Variants in KHDRBS2 observed in about 807,000 individuals in gnomAD.
KHDRBS2 encodes the protein KH domain-containing, RNA-binding, signal transduction-associated protein 2.
KHDRBS2 carries 26 observed loss-of-function variants against 44.3 expected under a neutral mutation model. That is an observed-to-expected ratio of 0.59 (90% confidence interval 0.43 to 0.81). KHDRBS2 has a LOEUF of 0.81. KHDRBS2 is among the 40% of genes least tolerant of loss of function. The pLI, the probability that KHDRBS2 is intolerant of heterozygous loss-of-function variation, is 0.00. For missense variants in KHDRBS2, 476 were observed against 433.1 expected (o/e 1.10, Z -0.88); for synonymous variants, 194 against 151.1 (o/e 1.28, Z -2.08).
At chr6:61,805,586 T>C (rs150000538) in intron 6 of KHDRBS2, among the ~76,000 whole-genome samples, 2,812 of 152,230 alleles carry the variant, frequency 0.018, 57 homozygotes, top group South Asian at 0.041. Context: ...GTAATTTATG[T>C]AGAAAGAGAC....
At chr6:61,834,606 T>C (rs1465180421) in intron 6 of KHDRBS2, among the ~76,000 whole-genome samples, 2 of 152,076 alleles carry the variant, frequency 1.3e-5, no homozygotes, top group Non-Finnish European at 2.9e-5. Flanking sequence ...GATGTCACTA[T>C]GCCAAAGTCC....
intron 4 of KHDRBS2, among the ~76,000 whole-genome samples, chr6:61,935,919 TTAAAATGGAA>T (rs1198036917): frequency 6.6e-6 from 1 of 152,148 alleles, no homozygotes; most frequent in Non-Finnish European, 1.5e-5. Context: ...AATAATAATG[TTAAAATGGAA>T]ATTTCTAGTT....
At chr6:61,980,863 A>T (rs1192425) in intron 3 of KHDRBS2, among the ~76,000 whole-genome samples, 112,216 of 152,130 alleles carry the variant, frequency 0.74, 41,636 homozygotes, top group African/African-American at 0.83. Flanking sequence ...GCTTATAGGG[A>T]CTGCACACAA....
chr6:61,553,666 C>T, the KHDRBS2 span, among the ~76,000 whole-genome samples: 1 of 152,110 alleles, frequency 6.6e-6, no homozygotes, highest in East Asian at 1.9e-4. Context: ...CCTCTTGTCA[C>T]CTTAGCTGTG....
intron 7 of KHDRBS2, among the ~76,000 whole-genome samples, chr6:61,715,117 G>A (rs1304111484): frequency 1.3e-5 from 2 of 151,790 alleles, no homozygotes; most frequent in Non-Finnish European, 2.9e-5. Context: ...CTACCAATGT[G>A]CAAGTGCAAA....
chr6:61,618,506 G>A, the KHDRBS2 span, among the ~76,000 whole-genome samples: 1 of 152,054 alleles, frequency 6.6e-6, no homozygotes, highest in East Asian at 1.9e-4. Flanking sequence ...ACAAGTGTAG[G>A]TTTGTTATCT....
rs974491455 is a variant in KHDRBS2 at position 62,186,754 on chromosome 6, G to T, written c.92-9442C>A. Among the ~76,000 whole-genome samples the T allele has an allele frequency of 5.3e-5, 8 of 151,988 alleles. No individual in the cohort carries two copies. In the South Asian group the frequency reaches 8.3e-4, roughly 16 times the overall value. On this transcript the variant is annotated intron_variant, in intron 1 of 8. Coordinates refer to ENST00000281156, the MANE Select transcript of KHDRBS2 (RefSeq NM_152688.4). ...TACCTCACAAAAGGCAAGAGTTAAA[G>T]ATTTATTTATTTTTAACTGTGTTGA...
chr6:62,238,502 C>T (rs1834061945), intron 1 of KHDRBS2, among the ~76,000 whole-genome samples: 1 of 151,950 alleles, frequency 6.6e-6, no homozygotes, highest in South Asian at 2.1e-4. Flanking sequence ...TGAGAAAATA[C>T]ATAACATCTA....
chr6:61,547,560 G>A, the KHDRBS2 span, among the ~76,000 whole-genome samples: 1 of 152,058 alleles, frequency 6.6e-6, no homozygotes, highest in African/African-American at 2.4e-5. Flanking sequence ...TTACTGTGTG[G>A]CTGACCAAGT....
chr6:61,908,235 A>G (rs1805383605), intron 4 of KHDRBS2, among the ~76,000 whole-genome samples: 1 of 152,144 alleles, frequency 6.6e-6, no homozygotes, highest in African/African-American at 2.4e-5. Flanking sequence ...TATTTACCTA[A>G]GTATGTGAAT....
intron 3 of KHDRBS2, among the ~76,000 whole-genome samples, chr6:62,006,657 G>A (rs190203035): frequency 1.1e-4 from 16 of 151,902 alleles, no homozygotes; most frequent in Admixed American, 7.9e-4. Flanking sequence ...ATACTGATCC[G>A]CTTTATCCTA....
intron 8 of KHDRBS2, among the ~76,000 whole-genome samples, chr6:61,691,585 AT>A (rs1302476589): frequency 6.6e-6 from 1 of 152,058 alleles, no homozygotes; most frequent in Non-Finnish European, 1.5e-5. Context: ...TGCATATATT[AT>A]TTTTAAATGA....
chr6:61,956,937 A>ATCATCG, intron 4 of KHDRBS2, among the ~76,000 whole-genome samples: 2 of 151,844 alleles, frequency 1.3e-5, no homozygotes, highest in East Asian at 3.9e-4. Context: ...CATCATCATC[A>ATCATCG]TCATCTGTTG....
At chr6:61,956,135 A>T (rs1767223393) in intron 4 of KHDRBS2, among the ~76,000 whole-genome samples, 1 of 152,000 alleles carries the variant, frequency 6.6e-6, no homozygotes, top group Admixed American at 6.6e-5. Flanking sequence ...CACAGGCTGC[A>T]GTGAGCCGAG....
At chr6:61,969,191 T>G (rs981495464) in intron 4 of KHDRBS2, among the ~76,000 whole-genome samples, 2 of 152,150 alleles carry the variant, frequency 1.3e-5, no homozygotes, top group Admixed American at 6.6e-5. Flanking sequence ...CAGATTATTG[T>G]TGCTCATAGA....
intron 6 of KHDRBS2, among the ~76,000 whole-genome samples, chr6:61,742,595 A>G (rs1776294725): frequency 6.6e-6 from 1 of 151,976 alleles, no homozygotes; most frequent in Non-Finnish European, 1.5e-5. Flanking sequence ...AGTCTCTTCC[A>G]TCTCTTTTTT....
intron 1 of KHDRBS2, among the ~76,000 whole-genome samples, chr6:62,204,308 G>A (rs1223377134): frequency 6.6e-6 from 1 of 152,134 alleles, no homozygotes; most frequent in African/African-American, 2.4e-5. Context: ...CTAAAACTAA[G>A]ACTGCAACAA....
chr6:61,929,059 A>G (rs981934776), intron 4 of KHDRBS2, among the ~76,000 whole-genome samples: 9 of 152,132 alleles, frequency 5.9e-5, no homozygotes, highest in African/African-American at 1.7e-4. Flanking sequence ...TCCTTCCTCT[A>G]AAGATGGCTG....
chr6:62,229,780 G>A (rs1183310972), intron 1 of KHDRBS2, among the ~76,000 whole-genome samples: 3 of 152,088 alleles, frequency 2.0e-5, no homozygotes, highest in African/African-American at 2.4e-5. Flanking sequence ...CAGGTGGGCC[G>A]CCATACCACA....
Sources: allele counts gnomAD v4.1 joint callset (sites outside exome capture counted in the v4.1 genomes callset), GRCh38; gene constraint gnomAD v4.1.1; transcripts MANE v1.5; gene names NCBI Gene and HGNC (gene_info 2026-07-23, HGNC 2026-07-21).